The following ARB2A variants were observed in gnomAD, a reference collection of about 807,000 sequenced individuals.
ARB2A encodes the protein cotranscriptional regulator ARB2A.
the ARB2A span, among the ~76,000 whole-genome samples, chr5:93,961,100 A>G: frequency 2.0e-5 from 3 of 152,224 alleles, no homozygotes; most frequent in Non-Finnish European, 4.4e-5. Context: ...CTGTCAGTGT[A>G]TAACAAGAAA....
At chr5:93,768,192 TG>T in the ARB2A span, among the ~76,000 whole-genome samples, 1 of 151,228 alleles carries the variant, frequency 6.6e-6, no homozygotes, top group African/African-American at 2.4e-5. Context: ...TTTGGGGACT[TG>T]GGGGGGAAGA....
the ARB2A span, among the ~76,000 whole-genome samples, chr5:93,945,431 A>G: frequency 6.6e-6 from 1 of 151,842 alleles, no homozygotes; most frequent in Non-Finnish European, 1.5e-5. Flanking sequence ...AAAAAAAAAA[A>G]GAAATGTAAT....
chr5:94,054,825 G>GT, the ARB2A span, among the ~76,000 whole-genome samples: 1 of 152,092 alleles, frequency 6.6e-6, no homozygotes, highest in South Asian at 2.1e-4. Flanking sequence ...GTATGGACTT[G>GT]TGGACACTTA....
chr5:93,736,912 TCTG>T, the ARB2A span: 3 of 152,210 alleles, frequency 2.0e-5, no homozygotes, highest in South Asian at 6.2e-4. Flanking sequence ...GATGTCCTCT[TCTG>T]CTACTTTTAT....
At chr5:94,039,964 G>A in the ARB2A span, among the ~76,000 whole-genome samples, 2 of 152,110 alleles carry the variant, frequency 1.3e-5, no homozygotes, top group African/African-American at 2.4e-5. Context: ...GTAAAGGATG[G>A]GATTGGGTTA....
the ARB2A span, chr5:94,055,840 G>A: frequency 2.1e-5 from 21 of 985,260 alleles, no homozygotes; most frequent in South Asian, 4.7e-5. Flanking sequence ...ATCAGACATC[G>A]AAACTGTCCA....
the ARB2A span, among the ~76,000 whole-genome samples, chr5:93,837,624 C>T: frequency 6.6e-6 from 1 of 152,102 alleles, no homozygotes; most frequent in Non-Finnish European, 1.5e-5. Context: ...TGCACTCCCA[C>T]CAACAGTGTA....
the ARB2A span, among the ~76,000 whole-genome samples, chr5:93,808,785 A>G: frequency 5.9e-5 from 9 of 152,056 alleles, no homozygotes; most frequent in Middle Eastern, 3.4e-3. Context: ...TAAATAACTG[A>G]GTGTAAAATT....
the ARB2A span, among the ~76,000 whole-genome samples, chr5:93,960,687 T>C: frequency 6.6e-6 from 1 of 152,196 alleles, no homozygotes; most frequent in Non-Finnish European, 1.5e-5. Flanking sequence ...AAAATGGTTA[T>C]AATACTTGCC....
chr5:93,888,502 A>G, the ARB2A span, among the ~76,000 whole-genome samples: 1 of 151,782 alleles, frequency 6.6e-6, no homozygotes, highest in East Asian at 1.9e-4. Context: ...TCCTCATGCT[A>G]GTTATGCCTG....
the ARB2A span, among the ~76,000 whole-genome samples, chr5:93,869,795 C>T: frequency 6.6e-6 from 1 of 152,148 alleles, no homozygotes; most frequent in Non-Finnish European, 1.5e-5. Context: ...TGAGAATGTA[C>T]TTTGTGAGAT....
chr5:94,102,071 T>G, the ARB2A span, among the ~76,000 whole-genome samples: 1 of 149,020 alleles, frequency 6.7e-6, no homozygotes, highest in Non-Finnish European at 1.5e-5. Context: ...CTATGTTATA[T>G]CATAGGAAAT....
the ARB2A span, among the ~76,000 whole-genome samples, chr5:93,848,404 A>G: frequency 6.6e-6 from 1 of 151,548 alleles, no homozygotes; most frequent in African/African-American, 2.4e-5. Flanking sequence ...AAAAAAAAAG[A>G]AAAAGAGATA....
At chr5:93,804,384 A>G in the ARB2A span, among the ~76,000 whole-genome samples, 1 of 152,018 alleles carries the variant, frequency 6.6e-6, no homozygotes, top group Admixed American at 6.6e-5. Context: ...GAGTTTCCAT[A>G]TACTTAAGCA....
chr5:93,938,711 G>C, the ARB2A span, among the ~76,000 whole-genome samples: 8 of 152,168 alleles, frequency 5.3e-5, no homozygotes, highest in Non-Finnish European at 7.3e-5. Context: ...TGGAGAGAGA[G>C]AGCATGCCTG....
chr5:93,924,303 C>G, the ARB2A span, among the ~76,000 whole-genome samples: 4 of 152,284 alleles, frequency 2.6e-5, no homozygotes, highest in South Asian at 8.3e-4. Context: ...ATGTTTCATA[C>G]AGAAACTGGT....
chr5:94,108,759 T>C, the ARB2A span, among the ~76,000 whole-genome samples: 1 of 151,994 alleles, frequency 6.6e-6, no homozygotes, highest in African/African-American at 2.4e-5. Flanking sequence ...TGTGGCAAAA[T>C]GTTGGTGAGG....
chr5:93,892,491 T>C, the ARB2A span, among the ~76,000 whole-genome samples: 1 of 152,248 alleles, frequency 6.6e-6, no homozygotes, highest in African/African-American at 2.4e-5. Flanking sequence ...TATAAGATTC[T>C]TCTTAGCATA....
chr5:93,982,422 G>A, the ARB2A span, among the ~76,000 whole-genome samples: 1 of 152,072 alleles, frequency 6.6e-6, no homozygotes, highest in Non-Finnish European at 1.5e-5. Context: ...GTATGTACAT[G>A]CACAGACACA....
Sources: allele counts gnomAD v4.1 joint callset (sites outside exome capture counted in the v4.1 genomes callset), GRCh38; gene constraint gnomAD v4.1.1; transcripts MANE v1.5; gene names NCBI Gene and HGNC (gene_info 2026-07-23, HGNC 2026-07-21).